EHBP1: variants seen among roughly 807,000 people sequenced by gnomAD.
EHBP1 encodes the protein EH domain-binding protein 1.
EHBP1 carries 55 observed loss-of-function variants against 144.0 expected under a neutral mutation model. The observed-to-expected ratio is 0.38, with a 90% CI of 0.31 to 0.48. The LOEUF (loss-of-function observed/expected upper bound fraction) is 0.48. Among genes scored for constraint, EHBP1 ranks in the 20% least tolerant of loss-of-function variants. EHBP1 has a pLI of 0.98. For synonymous variants in EHBP1, 469 were observed against 472.7 expected (o/e 0.99, Z 0.10); for missense variants, 1,200 against 1,364.2 (o/e 0.88, Z 1.90).
Position 62,993,857 on chromosome 2 carries a change from C to CTT in EHBP1, c.2873-5_2873-4dup. ...TACAATAATTTTACATGTCTTTCCT[C>CTT]TTTTTTTTTTAAGAGATGAAAAGGC... On this transcript the variant is annotated splice_polypyrimidine_tract_variant and intron_variant, in intron 17 of 22. Transcript: ENST00000431489. 40 of 1,290,432 alleles carry CTT rather than the reference C, an allele frequency of 3.1e-5. No homozygotes were observed. Among genetic ancestry groups the CTT allele is most frequent in the South Asian group, 7.8e-5 (5 of 63,780 alleles). The allele number at this position is 1,290,432 out of a possible 1,614,324, so 79.9% of individuals were successfully genotyped here.
intron 7 of EHBP1, among the ~76,000 whole-genome samples, chr2:62,843,784 TTAAAA>T (rs2048096118): frequency 6.6e-6 from 1 of 152,124 alleles, no homozygotes; most frequent in Admixed American, 6.6e-5. Context: ...TGCATTAATG[TTAAAA>T]TAATAGCTCA....
chr2:62,838,326 G>A (rs996981678), intron 7 of EHBP1, among the ~76,000 whole-genome samples: 19 of 152,130 alleles, frequency 1.2e-4, no homozygotes, highest in African/African-American at 4.6e-4. Flanking sequence ...CAATCTCTGG[G>A]ACACATTCAA....
intron 2 of EHBP1, among the ~76,000 whole-genome samples, chr2:62,732,108 A>G (rs912493913): frequency 3.3e-5 from 5 of 152,002 alleles, no homozygotes; most frequent in African/African-American, 1.2e-4. Context: ...GACTGATGTT[A>G]TTGTTGCTTT....
intron 5 of EHBP1, among the ~76,000 whole-genome samples, chr2:62,804,885 A>G (rs1193095626): frequency 6.6e-6 from 1 of 152,272 alleles, no homozygotes; most frequent in East Asian, 1.9e-4. Context: ...TCTAGGTTGC[A>G]CGCTCCTTAT....
intron 21 of EHBP1, among the ~76,000 whole-genome samples, 188 bp downstream of exon 21, chr2:63,039,004 A>G (rs1288339223): frequency 1.3e-5 from 2 of 152,212 alleles, no homozygotes; most frequent in Non-Finnish European, 2.9e-5. Flanking sequence ...ATAGATAATC[A>G]TTATGTTTGC....
intron 5 of EHBP1, among the ~76,000 whole-genome samples, chr2:62,790,106 G>A (rs2043075400): frequency 6.6e-6 from 1 of 152,182 alleles, no homozygotes; most frequent in Admixed American, 6.6e-5. Flanking sequence ...TGTAGCAGCA[G>A]CATGCATTCT....
intron 6 of EHBP1, among the ~76,000 whole-genome samples, chr2:62,828,987 C>G (rs2046557194): frequency 1.3e-5 from 2 of 152,014 alleles, no homozygotes; most frequent in East Asian, 3.9e-4. Context: ...GCATTGTGCT[C>G]TACACCTGGG....
intron 14 of EHBP1, among the ~76,000 whole-genome samples, chr2:62,971,170 A>G (rs1248881851): frequency 6.6e-6 from 1 of 152,204 alleles, no homozygotes. Context: ...GTTTGTGTCC[A>G]AAGTGGTTAG....
chr2:63,043,199 A>G (rs2061748758), intron 21 of EHBP1, among the ~76,000 whole-genome samples: 1 of 152,220 alleles, frequency 6.6e-6, no homozygotes, highest in African/African-American at 2.4e-5. Flanking sequence ...AAGAACAAGA[A>G]CCAGATTAAA....
chr2:62,694,977 G>A (rs570255643), intron 1 of EHBP1, among the ~76,000 whole-genome samples: 1 of 152,294 alleles, frequency 6.6e-6, no homozygotes, highest in Admixed American at 6.5e-5. Context: ...TAAGAGAGGA[G>A]CTAAACATGA....
At chr2:62,839,021 G>T (rs1374116676) in intron 7 of EHBP1, among the ~76,000 whole-genome samples, 16 of 146,752 alleles carry the variant, frequency 1.1e-4, no homozygotes, top group South Asian at 2.3e-4. Flanking sequence ...TACCAAAGCC[G>T]GGCAGAGACG....
intron 10 of EHBP1, among the ~76,000 whole-genome samples, chr2:62,931,918 C>T (rs1015247029): frequency 2.6e-5 from 4 of 152,092 alleles, no homozygotes; most frequent in Admixed American, 2.0e-4. Context: ...GTGGTTCACA[C>T]CTGTAATCCT....
intron 10 of EHBP1, among the ~76,000 whole-genome samples, chr2:62,886,135 A>T (rs549623154): frequency 1.3e-5 from 2 of 152,274 alleles, no homozygotes; most frequent in African/African-American, 4.8e-5. Context: ...CACCTTATAT[A>T]ATGGCTTCCT....
intron 2 of EHBP1, among the ~76,000 whole-genome samples, chr2:62,730,153 A>G (rs1437047201): frequency 2.0e-5 from 3 of 152,072 alleles, no homozygotes; most frequent in Non-Finnish European, 2.9e-5. Context: ...AAAATTAAGT[A>G]GAGTACAGAC....
At chr2:62,732,757 A>G (rs1444340044) in intron 2 of EHBP1, among the ~76,000 whole-genome samples, 1 of 152,216 alleles carries the variant, frequency 6.6e-6, no homozygotes, top group Non-Finnish European at 1.5e-5. Flanking sequence ...TATTTATAGC[A>G]GTAGGGAACA....
chr2:62,837,601 C>T (rs1315248682), intron 7 of EHBP1, among the ~76,000 whole-genome samples: 1 of 148,060 alleles, frequency 6.8e-6, no homozygotes, highest in African/African-American at 2.5e-5. Flanking sequence ...ACCCATCTCA[C>T]GTGCAGAGAC....
At chr2:62,863,051 G>A (rs1354713586) in intron 8 of EHBP1, among the ~76,000 whole-genome samples, 1 of 152,190 alleles carries the variant, frequency 6.6e-6, no homozygotes, top group African/African-American at 2.4e-5. Flanking sequence ...GGGAGGCTGA[G>A]GCAGGTGGAT....
intron 20 of EHBP1, among the ~76,000 whole-genome samples, chr2:63,038,461 CT>C (rs2061533287): frequency 6.6e-6 from 1 of 151,926 alleles, no homozygotes; most frequent in African/African-American, 2.4e-5. Context: ...AGAAAATAGC[CT>C]TATACTTGGC....
intron 7 of EHBP1, among the ~76,000 whole-genome samples, chr2:62,853,862 A>G (rs2048849620): frequency 6.6e-6 from 1 of 152,204 alleles, no homozygotes; most frequent in Non-Finnish European, 1.5e-5. Context: ...CATGCTAAAA[A>G]GGAATGAGTA....
Sources: gnomAD v4.1 joint callset for allele counts (sites outside exome capture counted in the v4.1 genomes callset) on GRCh38, gnomAD v4.1.1 for gene constraint, MANE v1.5 for transcripts, NCBI Gene and HGNC (gene_info 2026-07-23, HGNC 2026-07-21) for gene names.